Variants in NEK1 observed in about 807,000 individuals in gnomAD.
NEK1 encodes the protein serine/threonine-protein kinase Nek1.
A neutral mutation model predicts 182.1 loss-of-function variants in NEK1; 137 were observed. That is an observed-to-expected ratio of 0.75 (90% CI 0.65 to 0.87). The LOEUF (loss-of-function observed/expected upper bound fraction) is 0.87. Among genes scored for constraint, NEK1 ranks in the 40% least tolerant of loss-of-function variants. NEK1 has a pLI of 0.00. For missense variants in NEK1, 1,391 were observed against 1,494.4 expected, an observed-to-expected ratio of 0.93 and a Z score of 1.14; for synonymous variants, 513 against 492.2, an observed-to-expected ratio of 1.04 and a Z score of -0.56.
intron 31 of NEK1, among the ~76,000 whole-genome samples, chr4:169,415,816 T>C (rs1231743876): frequency 1.3e-5 from 2 of 152,158 alleles, no homozygotes; most frequent in Non-Finnish European, 1.5e-5. Flanking sequence ...TGTCATTACA[T>C]CTTAGTTTCT....
At chr4:169,515,518 A>G (rs1236675625) in intron 19 of NEK1, among the ~76,000 whole-genome samples, 1 of 141,376 alleles carries the variant, frequency 7.1e-6, no homozygotes, top group East Asian at 2.0e-4. Flanking sequence ...TTTTTTTATT[A>G]TACTCTAAGT....
intron 19 of NEK1, among the ~76,000 whole-genome samples, chr4:169,532,358 C>A (rs1199914229): frequency 6.6e-6 from 1 of 152,028 alleles, no homozygotes; most frequent in South Asian, 2.1e-4. Flanking sequence ...CCTCTTAGGG[C>A]AGAGAAACAT....
chr4:169,439,237 GCT>G (rs1482104287), intron 27 of NEK1, among the ~76,000 whole-genome samples: 1 of 152,194 alleles, frequency 6.6e-6, no homozygotes, highest in African/African-American at 2.4e-5. Flanking sequence ...AGAAATCCTT[GCT>G]CATTGGTCTC....
At position 169,555,541 on chromosome 4, in the gene NEK1, C is replaced by T. The variant is rs992584282; in HGVS notation, c.1562+179G>A. 12 of 501,068 alleles carry T rather than the reference C, an allele frequency of 2.4e-5. No individual in the cohort carries two copies. The East Asian group carries it at 3.7e-4, about 16-fold the overall frequency. The allele number at this position is 501,068 out of a possible 1,614,324, so 31.0% of individuals were successfully genotyped here. ...AAAATCAGGCTGAACTGGAAAGCTA[C>T]ATGCTTTCAGAGTAATCAAGGGCCA... On this transcript the variant is annotated intron_variant, in intron 18 of 35. Coordinates refer to ENST00000507142, the MANE Select transcript of NEK1 (RefSeq NM_001199397.3).
At chr4:169,437,518 G>A (rs1328736012) in intron 28 of NEK1, among the ~76,000 whole-genome samples, 1 of 152,150 alleles carries the variant, frequency 6.6e-6, no homozygotes, top group Non-Finnish European at 1.5e-5. Flanking sequence ...GTTGGGCTGT[G>A]ACTGCTTTGA....
chr4:169,487,453 A>C (rs1359475954), intron 23 of NEK1, among the ~76,000 whole-genome samples: 1 of 152,200 alleles, frequency 6.6e-6, no homozygotes, highest in Non-Finnish European at 1.5e-5. Flanking sequence ...TGAGAATAAC[A>C]GCTTCCAGCT....
chr4:169,451,526 C>T (rs1463354712), intron 27 of NEK1, among the ~76,000 whole-genome samples: 1 of 152,152 alleles, frequency 6.6e-6, no homozygotes. Flanking sequence ...CAACTTGCTC[C>T]TGAATGACTA....
chr4:169,471,551 G>T (rs766303364), intron 26 of NEK1, among the ~76,000 whole-genome samples: 1 of 152,174 alleles, frequency 6.6e-6, no homozygotes, highest in African/African-American at 2.4e-5. Context: ...CCTGTTTGAG[G>T]TGTCTGTCGT....
At chr4:169,416,121 G>A (rs1406989747) in intron 31 of NEK1, among the ~76,000 whole-genome samples, 4 of 152,168 alleles carry the variant, frequency 2.6e-5, no homozygotes. Flanking sequence ...AGAATGACTG[G>A]AATCTTACCT....
chr4:169,492,096 A>T (rs1750201465), intron 23 of NEK1, among the ~76,000 whole-genome samples: 1 of 152,218 alleles, frequency 6.6e-6, no homozygotes, highest in South Asian at 2.1e-4. Flanking sequence ...ACAAAGGACC[A>T]AAAAACAACC....
At chr4:169,606,603 C>T (rs1350747276) in intron 2 of NEK1, among the ~76,000 whole-genome samples, 1 of 152,136 alleles carries the variant, frequency 6.6e-6, no homozygotes, top group Non-Finnish European at 1.5e-5. Context: ...GCCTCCTCCA[C>T]CTCTCCCAGT....
At position 169,539,287 on chromosome 4, in the gene NEK1, G is replaced by A. The variant is rs116351662; in HGVS notation, c.1563-1376C>T. 6.8e-3 allele frequency among the ~76,000 whole-genome samples: 1,030 copies of A among 152,192 alleles called. 11 individuals are homozygous for A. The highest frequency in any genetic ancestry group is 0.024 in the African/African-American group (996 of 41,522). ...ACTGGAAAATTCTGAGATTAATAAC[G>A]CATATCTGTTCTGAATGCAATTTAT... On this transcript the variant is annotated intron_variant, in intron 18 of 35. Transcript: ENST00000507142.
intron 31 of NEK1, among the ~76,000 whole-genome samples, chr4:169,422,225 T>C (rs532315887): frequency 1.3e-5 from 2 of 152,150 alleles, no homozygotes; most frequent in African/African-American, 2.4e-5. Flanking sequence ...GAAGTGAATG[T>C]ATGTGGAAAC....
chr4:169,586,717 A>G (rs1487527150), intron 9 of NEK1, among the ~76,000 whole-genome samples: 1 of 152,028 alleles, frequency 6.6e-6, no homozygotes. Flanking sequence ...TCCTTAAGAA[A>G]GAAAAAAAAA....
chr4:169,476,754 G>A (rs1267002058), intron 26 of NEK1, among the ~76,000 whole-genome samples: 1 of 152,040 alleles, frequency 6.6e-6, no homozygotes, highest in Non-Finnish European at 1.5e-5. Context: ...CTCGCTAAAT[G>A]CCTAAGAGAT....
chr4:169,476,969 G>C (rs1747066662), intron 26 of NEK1, among the ~76,000 whole-genome samples, 155 bp downstream of exon 26: 1 of 152,062 alleles, frequency 6.6e-6, no homozygotes, highest in South Asian at 2.1e-4. Context: ...TTCACTGTGA[G>C]AGGGAGGCAC....
chr4:169,455,388 GAC>G (rs1199025259), intron 27 of NEK1, among the ~76,000 whole-genome samples: 2 of 148,782 alleles, frequency 1.3e-5, no homozygotes, highest in Non-Finnish European at 3.0e-5. Flanking sequence ...CACCTATAAA[GAC>G]ACACACAGAC....
chr4:169,570,779 G>A (rs1427005021), intron 12 of NEK1, among the ~76,000 whole-genome samples: 19 of 152,202 alleles, frequency 1.2e-4, no homozygotes, highest in Non-Finnish European at 1.8e-4. Flanking sequence ...GATGGTTGCC[G>A]TGTCTGTGTA....
At chr4:169,482,130 T>C (rs1748148822) in intron 23 of NEK1, among the ~76,000 whole-genome samples, 1 of 152,230 alleles carries the variant, frequency 6.6e-6, no homozygotes, top group Non-Finnish European at 1.5e-5. Flanking sequence ...TTTTCTTCTG[T>C]AGCTTCCTTA....
Sources: gnomAD v4.1 joint callset for allele counts (sites outside exome capture counted in the v4.1 genomes callset) on GRCh38, gnomAD v4.1.1 for gene constraint, MANE v1.5 for transcripts, NCBI Gene and HGNC (gene_info 2026-07-23, HGNC 2026-07-21) for gene names.